BCAS1: variants seen among roughly 807,000 people sequenced by gnomAD.
The protein encoded by BCAS1 is brain enriched myelin associated protein 1.
BCAS1 carries 46 observed loss-of-function variants against 65.4 expected under a neutral mutation model. That is an observed-to-expected ratio of 0.70 (90% CI 0.55 to 0.90). The LOEUF is 0.90. Among genes scored for constraint, BCAS1 ranks in the 40% least tolerant of loss-of-function variants. BCAS1 has a pLI of 0.00. For synonymous variants in BCAS1, 298 were observed against 293.5 expected, an observed-to-expected ratio of 1.02 and a Z score of -0.16; for missense variants, 793 against 771.2, an observed-to-expected ratio of 1.03 and a Z score of -0.33.
intron 9 of BCAS1, among the ~76,000 whole-genome samples, chr20:53,971,987 C>T (rs1450530428): frequency 6.6e-6 from 1 of 152,160 alleles, no homozygotes; most frequent in Non-Finnish European, 1.5e-5. Flanking sequence ...ACTAAACTTC[C>T]ACAGGCTTCA....
At chr20:54,026,706 G>C (rs148024360) in intron 4 of BCAS1, among the ~76,000 whole-genome samples, 3 of 152,362 alleles carry the variant, frequency 2.0e-5, no homozygotes, top group African/African-American at 7.2e-5. Flanking sequence ...TCAGGCGCAA[G>C]TAGTAAACAG....
chr20:53,946,482 A>G (rs556594483), intron 12 of BCAS1, among the ~76,000 whole-genome samples: 1 of 141,794 alleles, frequency 7.1e-6, no homozygotes, highest in East Asian at 2.0e-4. Flanking sequence ...GTAGTACAGT[A>G]TAAGATTTAT....
rs541776646 is a variant in BCAS1 at position 54,010,573 on chromosome 20, T to G, written c.724-14523A>C. 1.8e-4 allele frequency among the ~76,000 whole-genome samples: 27 copies of G among 152,294 alleles called. No individual in the cohort carries two copies. The South Asian group carries it at 5.4e-3, about 30-fold the overall frequency. ...TTGTATGCTGAAAGCTATATAATGC[T>G]AATGAAAGAAATCATAGGAGACCTA... On this transcript the variant is annotated intron_variant, in intron 4 of 12. Transcript: ENST00000688948.
chr20:54,045,243 A>G (rs545894802), intron 3 of BCAS1, among the ~76,000 whole-genome samples: 1 of 152,024 alleles, frequency 6.6e-6, no homozygotes, highest in Admixed American at 6.6e-5. Context: ...AAAACAAAAA[A>G]CTTACGCCCA....
chr20:53,977,809 C>A (rs1259129314), intron 8 of BCAS1, among the ~76,000 whole-genome samples: 1 of 152,168 alleles, frequency 6.6e-6, no homozygotes, highest in African/African-American at 2.4e-5. Context: ...GCAAAGCACT[C>A]ATTTTGGGAA....
At position 54,005,303 on chromosome 20, in the gene BCAS1, A is replaced by AAAACAAAAC. The variant is rs141938747; in HGVS notation, c.724-9254_724-9253insGTTTTGTTT. 2.5e-3 allele frequency among the ~76,000 whole-genome samples: 368 copies of AAAACAAAAC among 148,376 alleles called. 2 individuals carry two copies. The highest frequency in any genetic ancestry group is 9.0e-3 in the African/African-American group (360 of 40,122). On this transcript the variant is annotated intron_variant, in intron 4 of 12. Transcript: ENST00000688948. ...AGACCTTGTCTCTATGAAACAAAGCAAAAACAAAACAAAACAAAACAAAAC... is the reference window on the plus strand; with the variant it reads ...AGACCTTGTCTCTATGAAACAAAGCAAAACAAAACAAAACAAAACAAAACAAAACAAAAC...
chr20:54,047,052 TG>T (rs1435419687), intron 3 of BCAS1, among the ~76,000 whole-genome samples: 1 of 152,154 alleles, frequency 6.6e-6, no homozygotes, highest in African/African-American at 2.4e-5. Flanking sequence ...GAAATGCCCA[TG>T]ATGTCTTCTT....
chr20:53,960,342 C>T (rs2089836362), intron 10 of BCAS1, among the ~76,000 whole-genome samples: 1 of 151,730 alleles, frequency 6.6e-6, no homozygotes, highest in East Asian at 1.9e-4. Context: ...CTTTGAGAGC[C>T]CTTGGAGAAG....
intron 4 of BCAS1, among the ~76,000 whole-genome samples, chr20:54,025,000 A>G (rs1320832902): frequency 6.6e-6 from 1 of 152,238 alleles, no homozygotes; most frequent in Non-Finnish European, 1.5e-5. Context: ...CTCTTACTAG[A>G]TTATACACTC....
intron 12 of BCAS1, among the ~76,000 whole-genome samples, chr20:53,947,408 T>A (rs1478764250): frequency 6.6e-6 from 1 of 152,174 alleles, no homozygotes; most frequent in African/African-American, 2.4e-5. Context: ...CATCAAGAGA[T>A]GACCAGGACA....
At chr20:53,964,639 A>C (rs1364553678) in intron 10 of BCAS1, among the ~76,000 whole-genome samples, 1 of 152,128 alleles carries the variant, frequency 6.6e-6, no homozygotes, top group Admixed American at 6.5e-5. Flanking sequence ...TTTTCTTTTC[A>C]ATTTGTTTCC....
chr20:53,968,884 C>T (rs1228964293), intron 9 of BCAS1, among the ~76,000 whole-genome samples: 1 of 152,204 alleles, frequency 6.6e-6, no homozygotes, highest in Non-Finnish European at 1.5e-5. Context: ...GGGCTGTTGG[C>T]TTTGGACCCC....
intron 8 of BCAS1, among the ~76,000 whole-genome samples, chr20:53,984,398 G>C (rs2145768746): frequency 6.6e-6 from 1 of 152,350 alleles, no homozygotes; most frequent in South Asian, 2.1e-4. Context: ...GAAGGTTTCT[G>C]TATGACAGGA....
intron 10 of BCAS1, among the ~76,000 whole-genome samples, chr20:53,960,487 A>G (rs1029683029): frequency 2.8e-5 from 4 of 140,394 alleles, no homozygotes; most frequent in Non-Finnish European, 6.3e-5. Context: ...AAAAAAAAAA[A>G]AAAAAAAAAG....
chr20:54,002,169 C>CT (rs1379604536), intron 4 of BCAS1, among the ~76,000 whole-genome samples: 12 of 152,072 alleles, frequency 7.9e-5, no homozygotes, highest in Non-Finnish European at 1.6e-4. Context: ...CTCTCTCTCT[C>CT]CTCTGATGCT....
intron 4 of BCAS1, among the ~76,000 whole-genome samples, chr20:54,005,452 C>T (rs891855485): frequency 6.6e-6 from 1 of 152,132 alleles, no homozygotes; most frequent in African/African-American, 2.4e-5. Context: ...TGTGCCATTG[C>T]ACTCCAGCCT....
intron 1 of BCAS1, among the ~76,000 whole-genome samples, chr20:54,063,991 G>C (rs1047855222): frequency 1.5e-4 from 23 of 152,208 alleles, no homozygotes; most frequent in African/African-American, 5.6e-4. Context: ...AGCTATGGTG[G>C]GTGGAGGGGT....
In BCAS1 at chr20:53,944,583, A is replaced by G. The variant is rs917982245; in HGVS notation, c.*339T>C. The G allele has an allele frequency of 1.9e-5, 5 of 260,994 alleles. No homozygotes were observed. The highest frequency in any genetic ancestry group is 1.8e-4 in the East Asian group (2 of 11,236). The allele number at this position is 260,994 out of a possible 1,614,324, so 16.2% of individuals were successfully genotyped here. A position where few individuals can be genotyped will look rare whatever the true frequency, so the allele number is the denominator to read the frequency against. ...CTCGGCCTCCCAAAGTGCTGAGATT[A>G]CAGGCGAGAGCCACCACGCCCGGCC... On this transcript the variant is annotated 3_prime_UTR_variant, in exon 13 of 13. Coordinates refer to ENST00000688948, the MANE Select transcript of BCAS1 (RefSeq NM_001366298.2).
At chr20:53,975,268 C>A in intron 9 of BCAS1, 121 bp downstream of exon 9, 1 of 808,758 alleles carries the variant, frequency 1.2e-6, no homozygotes, top group Non-Finnish European at 2.0e-6. Context: ...AGAGAGTCTA[C>A]AACAAACGAA....
Sources: allele counts gnomAD v4.1 joint callset (sites outside exome capture counted in the v4.1 genomes callset), GRCh38; gene constraint gnomAD v4.1.1; transcripts MANE v1.5; gene names NCBI Gene and HGNC (gene_info 2026-07-23, HGNC 2026-07-21).